The following STIL variants were observed in gnomAD, a reference collection of about 807,000 sequenced individuals.
The protein encoded by STIL is STIL centriolar assembly protein.
Under a neutral mutation model 110.1 loss-of-function variants are expected in STIL, and 55 were observed. The observed-to-expected ratio is 0.50, with a 90% CI of 0.40 to 0.63. The LOEUF is 0.63. STIL is among the 20% of genes least tolerant of loss of function. The probability of loss-of-function intolerance (pLI) is 0.00; values close to 1 mark genes in which losing one functional copy is unlikely to be tolerated. For synonymous variants in STIL, 481 were observed against 530.0 expected, an observed-to-expected ratio of 0.91 and a Z score of 1.27; for missense variants, 1,358 against 1,530.0, an observed-to-expected ratio of 0.89 and a Z score of 1.87.
intron 3 of STIL, 131 bp downstream of exon 3, chr1:47,304,758 C>T (rs1336347244): frequency 1.4e-5 from 10 of 713,184 alleles, no homozygotes; most frequent in South Asian, 1.7e-5. Context: ...GAAAATTTTG[C>T]CTGAGGGGAG....
In STIL at chr1:47,280,395, G is replaced by A. The variant is rs761677141; in HGVS notation, c.2063C>T (p.Pro688Leu). 242 of 1,614,070 alleles carry A rather than the reference G, an allele frequency of 1.5e-4. No individual in the cohort carries two copies. The highest frequency in any genetic ancestry group is 1.8e-4 in the Non-Finnish European group (208 of 1,180,044). ...GTTACATAAGTCCATATGTGAAGGC[G>A]GTCTTGCCACAGGCGATGGTTCAAT... Reference protein sequence around the residue: ...SNIEPSPVARPPSHMDLCNPQ... With the variant: ...SNIEPSPVARLPSHMDLCNPQ... The change falls in exon 12 of 17, where the codon CCG becomes CTG. Residue 688 changes from proline (P) to leucine (L), a missense_variant. Coordinates refer to ENST00000371877, the MANE Select transcript of STIL (RefSeq NM_001048166.1).
In STIL at chr1:47,280,716, G is replaced by A. The variant is rs775762848; in HGVS notation, c.1742C>T (p.Ser581Leu). The change falls in exon 12 of 17, where the codon TCA becomes TTA. Residue 581 changes from serine to leucine, a missense_variant. By Grantham distance (145) the Ser-to-Leu change is moderately radical. Coordinates refer to ENST00000371877, the MANE Select transcript of STIL (RefSeq NM_001048166.1). ...TATCTGAAGTTCCATTGGTCTTCCT[G>A]AATTATGGGGTGAAAAAACAAAATC... is the stretch of plus-strand genomic sequence containing the variant. Reference protein sequence around the residue: ...PHDFVFSPHNSGRPMELQIPT... With the variant: ...PHDFVFSPHNLGRPMELQIPT... The A allele has an allele frequency of 6.2e-7, 1 of 1,614,126 alleles. No individual in the cohort carries two copies. Among genetic ancestry groups the A allele is most frequent in the South Asian group, 1.1e-5 (1 of 91,084 alleles).
chr1:47,272,223 C>T lies in STIL; in HGVS notation c.2236G>A (p.Ala746Thr). ...GGGGAACAGGGCATCAGAGACTGTG[C>T]TTCCAACAAACGCTGAATCTGTATC... Reference protein sequence around the residue: ...LQAQIQRLLEAQSLMPCSPKT... With the variant: ...LQAQIQRLLETQSLMPCSPKT... The change falls in exon 13 of 17, where the codon GCA (alanine) becomes ACA (threonine). Residue 746 changes from alanine (A) to threonine (T), a missense_variant. Ala to Thr is a moderately conservative substitution (Grantham distance 58). Coordinates refer to ENST00000371877, the MANE Select transcript of STIL (RefSeq NM_001048166.1). 1.9e-6 allele frequency: 3 copies of T among 1,614,184 alleles called. No homozygotes were observed. The highest frequency in any genetic ancestry group is 2.5e-6 in the Non-Finnish European group (3 of 1,180,036).
At position 47,281,189 on chromosome 1, in the gene STIL, T is replaced by C; in HGVS notation, c.1269A>G (p.Ser423=). The part of the protein sequence containing the change: ...VSQKISKIQP[S]VPELSLVLDG... ...CCAACACAAGTGAAAGTTCAGGAAC[T>C]GATGGTTGGATCTTAGAAATCTACA... is the stretch of plus-strand genomic sequence containing the variant. The change falls in exon 12 of 17, where the codon TCA becomes TCG. Residue 423 remains serine, a synonymous_variant. Transcript: ENST00000371877. 6.2e-7 allele frequency: 1 copy of C among 1,613,084 alleles called. No homozygotes were observed.
Position 47,251,924 on chromosome 1 carries a change from TG to T in STIL, c.3081-3del. 6.2e-7 allele frequency: 1 copy of T among 1,610,360 alleles called. No homozygotes were observed. The highest frequency in any genetic ancestry group is 1.1e-5 in the South Asian group (1 of 90,360). On this transcript the variant is annotated splice_region_variant and splice_polypyrimidine_tract_variant and intron_variant, in intron 16 of 16. Coordinates refer to ENST00000371877, the MANE Select transcript of STIL (RefSeq NM_001048166.1). ...TCTGGGCTGATGCATGCCAACACAC[TG>T]AAAGACACAAAGTAGTAAGCCATCA...
intron 16 of STIL, among the ~76,000 whole-genome samples, chr1:47,259,063 T>C (rs1038769753): frequency 9.9e-5 from 13 of 131,342 alleles, no homozygotes; most frequent in African/African-American, 3.4e-4. Context: ...CTCGGCTCAC[T>C]GCAAGCTCTG....
At chr1:47,307,523 T>C (rs1432308689) in intron 2 of STIL, among the ~76,000 whole-genome samples, 2 of 152,180 alleles carry the variant, frequency 1.3e-5, no homozygotes, top group Non-Finnish European at 2.9e-5. Context: ...CCTTGTGATT[T>C]CCTATGCCTG....
chr1:47,265,783 CAAAAAAAAAA>C lies in STIL; in HGVS notation c.2616-2677_2616-2668del, dbSNP rs1179019596. ...CCTGGATGACAGAGCAAGACTGTCTCAAAAAAAAAAAAAAAAAAAAAAAGAAACAGTCTCT... is the reference window on the plus strand; with the variant it reads ...CCTGGATGACAGAGCAAGACTGTCTCAAAAAAAAAAAAAGAAACAGTCTCT... On this transcript the variant is annotated intron_variant, in intron 14 of 16. Transcript: ENST00000371877. Among the ~76,000 whole-genome samples, 13 of 65,608 alleles carry C rather than the reference CAAAAAAAAAA, an allele frequency of 2.0e-4. No homozygotes were observed. In the Admixed American group the frequency reaches 2.4e-3, roughly 12 times the overall value. 43.0% of individuals were successfully genotyped at this position (65,608 alleles called of 152,430 possible). A position where few individuals can be genotyped will look rare whatever the true frequency, so the allele number is the denominator to read the frequency against.
At chr1:47,305,622 G>T (rs374652847) in intron 2 of STIL, among the ~76,000 whole-genome samples, 2 of 149,406 alleles carry the variant, frequency 1.3e-5, no homozygotes, top group South Asian at 4.2e-4. Context: ...TAGAGACAGG[G>T]TTTCACTGTT....
intron 15 of STIL, 142 bp from the exon 16 acceptor site, chr1:47,260,681 G>T: frequency 1.2e-6 from 1 of 844,478 alleles, no homozygotes; most frequent in Non-Finnish European, 1.8e-6. Flanking sequence ...AAGACCCTGG[G>T]CAACACAGCG....
chr1:47,278,643 T>A (rs1476671739), intron 12 of STIL, among the ~76,000 whole-genome samples: 1 of 152,102 alleles, frequency 6.6e-6, no homozygotes, highest in African/African-American at 2.4e-5. Flanking sequence ...AAATTTTTGC[T>A]AAGTGTTTAT....
intron 10 of STIL, among the ~76,000 whole-genome samples, chr1:47,286,493 G>A (rs1645304132): frequency 6.6e-6 from 1 of 151,742 alleles, no homozygotes; most frequent in South Asian, 2.1e-4. Flanking sequence ...TGGATCACGA[G>A]GTCAAGAGAT....
intron 14 of STIL, among the ~76,000 whole-genome samples, chr1:47,263,743 A>ATTTTT (rs1557711517): frequency 3.6e-5 from 3 of 83,330 alleles, no homozygotes; most frequent in African/African-American, 1.4e-4. Flanking sequence ...GTTCATTCCA[A>ATTTTT]GTTTTTTTTT....
intron 1 of STIL, among the ~76,000 whole-genome samples, chr1:47,311,324 C>G (rs1404579484): frequency 6.7e-6 from 1 of 149,528 alleles, no homozygotes; most frequent in African/African-American, 2.5e-5. Flanking sequence ...CTCTGTAGCC[C>G]AGGCTGAAGT....
rs370465985 is a variant in STIL at position 47,260,359 on chromosome 1, T to C, written c.3010A>G (p.Arg1004Gly). Residue 1004 changes from arginine (R) to glycine (G), a missense_variant, in exon 16 of 17, where the codon AGA (arginine) becomes GGA (glycine). Arg to Gly is a moderately radical substitution (Grantham distance 125). Coordinates refer to ENST00000371877, the MANE Select transcript of STIL (RefSeq NM_001048166.1). ...GAATCAATTTTTACTCCAAGGCTTC[T>C]TAGTTGCTTAAGAGTTGCATTAAGG... ...CVLNATLKQLRSLGVKIDSPT... is the reference protein window; with the variant it reads ...CVLNATLKQLGSLGVKIDSPT... The C allele has an allele frequency of 9.0e-5, 145 of 1,614,084 alleles. No homozygotes were observed. Among genetic ancestry groups the C allele is most frequent in the Non-Finnish European group, 1.2e-4 (138 of 1,180,044 alleles).
intron 14 of STIL, among the ~76,000 whole-genome samples, chr1:47,264,559 A>G (rs1041366496): frequency 1.3e-5 from 2 of 152,224 alleles, no homozygotes; most frequent in Non-Finnish European, 1.5e-5. Context: ...GGAAAAAGTA[A>G]TCAATAACCA....
chr1:47,293,579 C>T (rs1557758399), intron 7 of STIL, 35 bp from the exon 8 acceptor site: 2 of 1,511,692 alleles, frequency 1.3e-6, no homozygotes, highest in South Asian at 1.1e-5. Flanking sequence ...AAACCATAGT[C>T]ACTTACATAT....
rs970419484 is a variant in STIL at position 47,264,745 on chromosome 1, G to C, written c.2616-1629C>G. Among the ~76,000 whole-genome samples the C allele has an allele frequency of 5.9e-5, 9 of 152,244 alleles. 1 individual carries two copies. Among genetic ancestry groups the C allele is most frequent in the African/African-American group, 2.2e-4 (9 of 41,544 alleles). On this transcript the variant is annotated intron_variant, in intron 14 of 16. Coordinates refer to ENST00000371877, the MANE Select transcript of STIL (RefSeq NM_001048166.1). ...CCAAAAGTGCGAGAAGGATCCCAGA[G>C]AAGCACCAAAACCATCATAGACAAC...
intron 16 of STIL, among the ~76,000 whole-genome samples, chr1:47,257,241 T>G (rs926937904): frequency 6.6e-6 from 1 of 152,238 alleles, no homozygotes; most frequent in African/African-American, 2.4e-5. Context: ...AGGCCTCAGA[T>G]AGGCTGGGAG....
Sources: gnomAD v4.1 joint callset for allele counts (sites outside exome capture counted in the v4.1 genomes callset) on GRCh38, gnomAD v4.1.1 for gene constraint, MANE v1.5 for transcripts, NCBI Gene and HGNC (gene_info 2026-07-23, HGNC 2026-07-21) for gene names.